CCDC171: variants seen among roughly 807,000 people sequenced by gnomAD.
The protein encoded by CCDC171 is coiled-coil domain-containing protein 171.
CCDC171 carries 177 observed loss-of-function variants against 168.2 expected under a neutral mutation model. The ratio of observed to expected loss-of-function variants is 1.05; its 90% CI spans 0.93 to 1.19. The LOEUF is 1.19. Among genes scored for constraint, CCDC171 ranks in the 50% most tolerant of loss-of-function variants. CCDC171 has a pLI of 0.00. For missense variants in CCDC171, 1,991 were observed against 1,539.0 expected (o/e 1.29, Z -4.91); for synonymous variants, 687 against 540.8 (o/e 1.27, Z -3.75).
At chr9:16,094,822 G>C in the CCDC171 span, among the ~76,000 whole-genome samples, 1 of 152,146 alleles carries the variant, frequency 6.6e-6, no homozygotes, top group South Asian at 2.1e-4. Context: ...GATAGATTTG[G>C]GCAGGGACAC....
intron 3 of CCDC171, among the ~76,000 whole-genome samples, chr9:15,999,696 C>T (rs115212888): frequency 0.031 from 4,719 of 152,274 alleles, 221 homozygotes; most frequent in African/African-American, 0.11. Flanking sequence ...CTGGACACTT[C>T]ATGCAGCCAT....
At position 15,613,683 on chromosome 9, in the gene CCDC171, C is replaced by T. The variant is rs573091258; in HGVS notation, c.676-9584C>T. On this transcript the variant is annotated intron_variant, in intron 6 of 25. Transcript: ENST00000380701. ...GATTACAGGCATGCGCCACCATGCCCGGCTAATTTTTTTGTATTTTTAGTA... is the reference window on the plus strand; with the variant it reads ...GATTACAGGCATGCGCCACCATGCCTGGCTAATTTTTTTGTATTTTTAGTA... Among the ~76,000 whole-genome samples, 788 of 151,914 alleles carry T rather than the reference C, an allele frequency of 5.2e-3. 6 individuals carry two copies. Among genetic ancestry groups the T allele is most frequent in the African/African-American group, 0.019 (767 of 41,452 alleles).
intron 3 of CCDC171, among the ~76,000 whole-genome samples, chr9:15,578,269 C>G (rs114427559): frequency 1.3e-5 from 2 of 149,392 alleles, no homozygotes; most frequent in Admixed American, 6.7e-5. Context: ...CGGTCTTGCT[C>G]TGTCCTTCAG....
At chr9:15,761,170 T>A (rs1159773888) in intron 18 of CCDC171, among the ~76,000 whole-genome samples, 1 of 152,200 alleles carries the variant, frequency 6.6e-6, no homozygotes, top group Admixed American at 6.5e-5. Flanking sequence ...TCCTGTGTAA[T>A]TACGTCTTAA....
chr9:15,939,185 A>G (rs1409612025), intron 25 of CCDC171, among the ~76,000 whole-genome samples: 1 of 151,640 alleles, frequency 6.6e-6, no homozygotes, highest in East Asian at 1.9e-4. Flanking sequence ...CTAAATAGAT[A>G]ATATCCATAT....
chr9:15,886,466 C>G (rs1225088177), intron 24 of CCDC171: 1 of 152,030 alleles, frequency 6.6e-6, no homozygotes, highest in African/African-American at 2.4e-5. Context: ...CAAAAGACAA[C>G]AAGTGTTGGC....
At chr9:15,800,313 G>T (rs964701920) in intron 21 of CCDC171, among the ~76,000 whole-genome samples, 1 of 152,108 alleles carries the variant, frequency 6.6e-6, no homozygotes, top group Non-Finnish European at 1.5e-5. Flanking sequence ...ATTTTAACTG[G>T]AGTAAGATGA....
intron 21 of CCDC171, among the ~76,000 whole-genome samples, chr9:15,804,245 C>G (rs140526889): frequency 3.4e-4 from 52 of 152,192 alleles, no homozygotes; most frequent in African/African-American, 1.2e-3. Context: ...CCTGATTGCC[C>G]TGGCCAGACT....
chr9:15,933,087 A>T (rs974091284), intron 25 of CCDC171, among the ~76,000 whole-genome samples: 2 of 152,004 alleles, frequency 1.3e-5, no homozygotes, highest in African/African-American at 4.8e-5. Context: ...TTTTGGAGTC[A>T]GGATAATGCT....
rs1040276047 is a variant in CCDC171 at position 15,972,960 on chromosome 9, T to C, written c.*1124T>C. 6.6e-6 allele frequency: 1 copy of C among 152,150 alleles called. No individual in the cohort carries two copies. Among genetic ancestry groups the C allele is most frequent in the Admixed American group, 6.5e-5 (1 of 15,272 alleles). 9.4% of individuals were successfully genotyped at this position (152,150 alleles called of 1,614,324 possible). ...CACAAAGAGGTTTCTGGTAACTTAC[T>C]TGACAAGCTTTTGGGTGCTTTGTGG... On this transcript the variant is annotated 3_prime_UTR_variant, in exon 26 of 26. Coordinates refer to ENST00000380701, the MANE Select transcript of CCDC171 (RefSeq NM_173550.4).
At chr9:15,647,650 A>G (rs1283938418) in intron 7 of CCDC171, among the ~76,000 whole-genome samples, 5 of 152,228 alleles carry the variant, frequency 3.3e-5, no homozygotes, top group Non-Finnish European at 7.3e-5. Context: ...AATCTAGAAG[A>G]AATGCATAAA....
chr9:15,775,119 C>A (rs953956928), intron 18 of CCDC171, among the ~76,000 whole-genome samples: 3 of 152,172 alleles, frequency 2.0e-5, no homozygotes, highest in Non-Finnish European at 2.9e-5. Context: ...AAAAATTGCC[C>A]TCTGTACTGT....
chr9:15,891,502 C>T (rs921431399), intron 24 of CCDC171, among the ~76,000 whole-genome samples: 1 of 152,122 alleles, frequency 6.6e-6, no homozygotes, highest in Non-Finnish European at 1.5e-5. Context: ...ATGGAACAGA[C>T]ACACGGGAGG....
intron 24 of CCDC171, among the ~76,000 whole-genome samples, chr9:15,910,756 C>T (rs894905119): frequency 6.6e-6 from 1 of 151,152 alleles, no homozygotes; most frequent in Non-Finnish European, 1.5e-5. Flanking sequence ...CCCATATGTT[C>T]TCATTATTCA....
chr9:16,009,613 T>G (rs960502197), intron 3 of CCDC171, among the ~76,000 whole-genome samples: 1 of 152,198 alleles, frequency 6.6e-6, no homozygotes, highest in Admixed American at 6.5e-5. Context: ...GTTCTAATTA[T>G]GTCCTACCAA....
intron 20 of CCDC171, among the ~76,000 whole-genome samples, chr9:15,779,707 A>G (rs562070348): frequency 1.3e-5 from 2 of 152,352 alleles, no homozygotes; most frequent in East Asian, 3.9e-4. Context: ...ATTATGTAGT[A>G]TGAAATCAAA....
rs112164805 is a variant in CCDC171, at chr9:16,053,188, T to C, written n.90-7458T>C. On this transcript the variant is annotated intron_variant and non_coding_transcript_variant, in intron 1 of 1. Coordinates refer to the CCDC171 transcript ENST00000478913. ...ATTGGAGATCTACAGGCAGCTCCAC[T>C]CTAGACAGATGAGGAACTTGAAACC... is the stretch of plus-strand genomic sequence containing the variant. Among the ~76,000 whole-genome samples, 88 of 152,256 alleles carry C rather than the reference T, an allele frequency of 5.8e-4. 1 individual carries two copies. The highest frequency in any genetic ancestry group is 1.9e-4 in the Non-Finnish European group (13 of 68,052).
intron 10 of CCDC171, among the ~76,000 whole-genome samples, chr9:15,680,273 A>C (rs1461374405): frequency 2.0e-5 from 3 of 152,198 alleles, no homozygotes; most frequent in African/African-American, 7.2e-5. Context: ...TGGGGACCCC[A>C]CCATGGAGGG....
chr9:15,695,277 A>T lies in CCDC171; in HGVS notation c.1258A>T (p.Asn420Tyr), dbSNP rs1412418016. 6.2e-7 allele frequency: 1 copy of T among 1,614,132 alleles called. No homozygotes were observed. Among genetic ancestry groups the T allele is most frequent in the African/African-American group, 1.3e-5 (1 of 75,058 alleles). Reference sequence around the variant, plus strand: ...CTTCCTAGTAGAGACATGTGAAAATAACGTGAAAGAATTGGAATCGATCTT... The same window carrying T: ...CTTCCTAGTAGAGACATGTGAAAATTACGTGAAAGAATTGGAATCGATCTT... Reference protein sequence around the residue: ...QAFLVETCENNVKELESILDS... With the variant: ...QAFLVETCENYVKELESILDS... Residue 420 changes from asparagine (N) to tyrosine (Y), a missense_variant, in exon 11 of 26, where the codon AAC becomes TAC. By Grantham distance (143) the Asn-to-Tyr change is moderately radical. Coordinates refer to ENST00000380701, the MANE Select transcript of CCDC171 (RefSeq NM_173550.4).
Sources: allele counts gnomAD v4.1 joint callset (sites outside exome capture counted in the v4.1 genomes callset), GRCh38; gene constraint gnomAD v4.1.1; transcripts MANE v1.5; gene names NCBI Gene and HGNC (gene_info 2026-07-23, HGNC 2026-07-21).